CREBBP: variants seen among roughly 807,000 people sequenced by gnomAD.
CREBBP encodes the protein CREB binding lysine acetyltransferase.
CREBBP carries 19 observed loss-of-function variants against 265.0 expected under a neutral mutation model. That is an observed-to-expected ratio of 0.07 (90% confidence interval 0.05 to 0.11). CREBBP has a LOEUF of 0.11. CREBBP is among the 10% of genes least tolerant of loss of function. The pLI, the probability that CREBBP is intolerant of heterozygous loss-of-function variation, is 1.00. For missense variants in CREBBP, 2,525 were observed against 3,219.0 expected (o/e 0.78, Z 5.22); for synonymous variants, 1,457 against 1,223.7 (o/e 1.19, Z -3.98).
Position 3,840,324 on chromosome 16 carries a change from C to T in CREBBP, c.798+9973G>A, listed in dbSNP as rs141167792. Among the ~76,000 whole-genome samples the T allele has an allele frequency of 1.4e-3, 206 of 152,240 alleles. 5 individuals are homozygous for T. The highest frequency in any genetic ancestry group is 0.011 in the Admixed American group (166 of 15,290). ...ATCCCAGCACTTTGGGCAGCCAAGA[C>T]GGCAGTCGGCTTGAGTTCAGTTCAA... On this transcript the variant is annotated intron_variant, in intron 2 of 30. Transcript: ENST00000262367.
Position 3,757,388 on chromosome 16 carries a change from A to T in CREBBP, c.3610-12T>A, listed in dbSNP as rs761501952. 2.5e-6 allele frequency: 4 copies of T among 1,597,402 alleles called. No homozygotes were observed. The highest frequency in any genetic ancestry group is 3.4e-6 in the Non-Finnish European group (4 of 1,166,636). Reference sequence around the variant, plus strand: ...GGGGAAAACTCATACTGCAAAAATAAAGGAGAAATACTTTTATATAAAAAT... The same window carrying T: ...GGGGAAAACTCATACTGCAAAAATATAGGAGAAATACTTTTATATAAAAAT... On this transcript the variant is annotated splice_polypyrimidine_tract_variant and intron_variant, in intron 18 of 30. Transcript: ENST00000262367.
At chr16:3,832,028 A>G (rs2054353755) in intron 2 of CREBBP, among the ~76,000 whole-genome samples, 1 of 152,056 alleles carries the variant, frequency 6.6e-6, no homozygotes, top group Non-Finnish European at 1.5e-5. Context: ...AAAAAAGAAA[A>G]GAGTAGAGAA....
chr16:3,826,546 T>C (rs2054240922), intron 2 of CREBBP, among the ~76,000 whole-genome samples: 2 of 152,038 alleles, frequency 1.3e-5, no homozygotes, highest in Admixed American at 1.3e-4. Context: ...CAAAGTGACG[T>C]GGTAAAAATG....
intron 3 of CREBBP, among the ~76,000 whole-genome samples, chr16:3,795,271 A>G (rs1007802499): frequency 6.6e-6 from 1 of 152,230 alleles, no homozygotes; most frequent in Admixed American, 6.5e-5. Context: ...AAAAGTATAT[A>G]TATACACTGC....
chr16:3,801,848 A>AAGG (rs1214427396), intron 3 of CREBBP, among the ~76,000 whole-genome samples: 1 of 152,124 alleles, frequency 6.6e-6, no homozygotes, highest in African/African-American at 2.4e-5. Flanking sequence ...TGTAATGTGG[A>AAGG]AGGAGGAGGT....
At chr16:3,763,894 G>C (rs1054530905) in intron 16 of CREBBP, among the ~76,000 whole-genome samples, 3 of 149,800 alleles carry the variant, frequency 2.0e-5, no homozygotes, top group Admixed American at 6.7e-5. Flanking sequence ...GCCCAGGCTG[G>C]AGTGCAGTGG....
In CREBBP at chr16:3,847,937, G is replaced by A. The variant is rs568228415; in HGVS notation, c.798+2360C>T. Among the ~76,000 whole-genome samples, 3 of 152,300 alleles carry A rather than the reference G, an allele frequency of 2.0e-5. No homozygotes were observed. The South Asian group carries it at 6.2e-4, about 32-fold the overall frequency. ...TAATCCCAGCATTTTGGGAGGCAGA[G>A]GCAGGTGGCTCGCTTGAGGTCAGGA... On this transcript the variant is annotated intron_variant, in intron 2 of 30. Coordinates refer to ENST00000262367, the MANE Select transcript of CREBBP (RefSeq NM_004380.3).
intron 2 of CREBBP, among the ~76,000 whole-genome samples, chr16:3,846,752 G>A (rs756561503): frequency 1.3e-5 from 2 of 152,152 alleles, no homozygotes; most frequent in Non-Finnish European, 2.9e-5. Flanking sequence ...TATGTCTGGG[G>A]AGATAGCACA....
chr16:3,746,361 C>A (rs952355444), intron 21 of CREBBP, among the ~76,000 whole-genome samples: 2 of 151,400 alleles, frequency 1.3e-5, no homozygotes, highest in Admixed American at 6.6e-5. Flanking sequence ...AAAAAAAAAA[C>A]ACACACACAC....
intron 1 of CREBBP, among the ~76,000 whole-genome samples, chr16:3,866,580 ATGTTT>A (rs1379267133): frequency 6.6e-6 from 1 of 152,154 alleles, no homozygotes; most frequent in Non-Finnish European, 1.5e-5. Context: ...TACCCCCAAA[ATGTTT>A]TGTTTTGAAT....
intron 1 of CREBBP, among the ~76,000 whole-genome samples, chr16:3,855,437 G>T (rs1283956396): frequency 6.6e-6 from 1 of 152,112 alleles, no homozygotes; most frequent in Non-Finnish European, 1.5e-5. Context: ...GCTAACGTTT[G>T]TATTTTTAGT....
rs1597100915 is a variant in CREBBP at position 3,880,553 on chromosome 16, G to A, written c.-637C>T. On this transcript the variant is annotated 5_prime_UTR_variant, in exon 1 of 31. Transcript: ENST00000262367. ...CGGGAGGCCGAGCCGAGAGGCGAGCGGGGCCGCCGGGGCGGGCGCCGAGGG... is the reference window on the plus strand; with the variant it reads ...CGGGAGGCCGAGCCGAGAGGCGAGCAGGGCCGCCGGGGCGGGCGCCGAGGG... 6 of 145,776 alleles carry A rather than the reference G, an allele frequency of 4.1e-5. No individual in the cohort carries two copies. The South Asian group carries it at 1.1e-3, about 27-fold the overall frequency. The allele number at this position is 145,776 out of a possible 1,614,324, so 9.0% of individuals were successfully genotyped here.
Position 3,793,625 on chromosome 16 carries a change from G to A in CREBBP, c.977C>T (p.Ser326Phe), listed in dbSNP as rs1311466278. Residue 326 changes from serine to phenylalanine, a missense_variant and splice_region_variant, in exon 4 of 31, where the codon TCT becomes TTT. Ser to Phe is a radical substitution (Grantham distance 155, BLOSUM62 -2). Coordinates refer to ENST00000262367, the MANE Select transcript of CREBBP (RefSeq NM_004380.3). ...NTSVTNVPNM[S>F]QMQTSVGIVP... ...AATTCCCACTGATGTTTGCATCTGA[G>A]ACTAAAATAAAGCAAAATAATAAAA... 1.2e-6 allele frequency: 2 copies of A among 1,612,638 alleles called. No individual in the cohort carries two copies. The highest frequency in any genetic ancestry group is 1.7e-6 in the Non-Finnish European group (2 of 1,179,984).
chr16:3,826,481 T>C (rs1003213825), intron 2 of CREBBP, among the ~76,000 whole-genome samples: 1 of 152,068 alleles, frequency 6.6e-6, no homozygotes, highest in African/African-American at 2.4e-5. Flanking sequence ...CTCAACCAGG[T>C]GGCTGTGGGC....
At chr16:3,797,775 T>TAA (rs879772844) in intron 3 of CREBBP, among the ~76,000 whole-genome samples, 1 of 144,374 alleles carries the variant, frequency 6.9e-6, no homozygotes, top group African/African-American at 2.5e-5. Context: ...CCCTTTTATT[T>TAA]AAAAAAAAAA....
At position 3,769,368 on chromosome 16, in the gene CREBBP, A is replaced by C. The variant is rs2052942961; in HGVS notation, c.2881-15T>G. The C allele has an allele frequency of 6.2e-7, 1 of 1,614,092 alleles. No individual in the cohort carries two copies. The highest frequency in any genetic ancestry group is 1.3e-5 in the African/African-American group (1 of 74,944). On this transcript the variant is annotated splice_polypyrimidine_tract_variant and intron_variant, in intron 14 of 30. Transcript: ENST00000262367. ...GCCTGGGAAAGCTGTGAAAAAACCG[A>C]AAGCACTGACTTCAGTAAGCAAGGT...
intron 3 of CREBBP, among the ~76,000 whole-genome samples, chr16:3,803,508 A>G (rs970015757): frequency 1.3e-5 from 2 of 152,072 alleles, no homozygotes; most frequent in African/African-American, 4.8e-5. Flanking sequence ...CTCTCTCAAC[A>G]ACAACAACAA....
In CREBBP at chr16:3,726,789, T is replaced by C. The variant is rs766761118; in HGVS notation, c.*929A>G. 5.1e-5 allele frequency: 12 copies of C among 233,418 alleles called. No homozygotes were observed. Among genetic ancestry groups the C allele is most frequent in the Non-Finnish European group, 9.3e-5 (11 of 118,014 alleles). 14.5% of individuals were successfully genotyped at this position (233,418 alleles called of 1,614,324 possible). On this transcript the variant is annotated 3_prime_UTR_variant, in exon 31 of 31. Coordinates refer to ENST00000262367, the MANE Select transcript of CREBBP (RefSeq NM_004380.3). ...CCCCGAACACTAAGTGTTAATACCA[T>C]GTACATGAATTCAAGAAGGACCACC...
chr16:3,847,893 G>A lies in CREBBP; in HGVS notation c.798+2404C>T, dbSNP rs528223434. ...TCTATAAAAACTACTTATAGGCCGGGCGTGGTGGCTCACGCCTGTAATCCC... is the reference window on the plus strand; with the variant it reads ...TCTATAAAAACTACTTATAGGCCGGACGTGGTGGCTCACGCCTGTAATCCC... On this transcript the variant is annotated intron_variant, in intron 2 of 30. Coordinates refer to ENST00000262367, the MANE Select transcript of CREBBP (RefSeq NM_004380.3). 3.5e-4 allele frequency among the ~76,000 whole-genome samples: 53 copies of A among 152,318 alleles called. 1 individual carries two copies. The highest frequency in any genetic ancestry group is 1.2e-3 in the African/African-American group (51 of 41,582).
Sources: gnomAD v4.1 joint callset for allele counts (sites outside exome capture counted in the v4.1 genomes callset) on GRCh38, gnomAD v4.1.1 for gene constraint, MANE v1.5 for transcripts, NCBI Gene and HGNC (gene_info 2026-07-23, HGNC 2026-07-21) for gene names.